Variants in ANXA4 observed in about 807,000 individuals in gnomAD.
ANXA4 encodes the protein 35-beta calcimedin.
ANXA4 carries 39 observed loss-of-function variants against 49.8 expected under a neutral mutation model. The observed-to-expected ratio is 0.78, with a 90% CI of 0.61 to 1.02. The LOEUF is 1.02. ANXA4 is among the 50% of genes least tolerant of loss of function. The probability of loss-of-function intolerance (pLI) is 0.00; values close to 1 mark genes in which losing one functional copy is unlikely to be tolerated. For missense variants in ANXA4, 360 were observed against 410.1 expected (o/e 0.88, Z 1.05); for synonymous variants, 134 against 152.5 (o/e 0.88, Z 0.89).
At chr2:69,647,660 T>C (rs1254355621) in intron 1 of ANXA4, among the ~76,000 whole-genome samples, 1 of 151,998 alleles carries the variant, frequency 6.6e-6, no homozygotes, top group Non-Finnish European at 1.5e-5. Flanking sequence ...CCACCCACCT[T>C]GGCCTCCCAA....
chr2:69,807,188 G>A (rs1272298777), intron 5 of ANXA4, among the ~76,000 whole-genome samples: 1 of 152,060 alleles, frequency 6.6e-6, no homozygotes, highest in Non-Finnish European at 1.5e-5. Context: ...TGGCTCAATG[G>A]GGAGTGATTA....
intron 3 of ANXA4, among the ~76,000 whole-genome samples, chr2:69,729,375 C>T (rs1573157370): frequency 6.6e-6 from 1 of 152,270 alleles, no homozygotes; most frequent in African/African-American, 2.4e-5. Context: ...TGATTTATTC[C>T]TAGGCATTTG....
intron 3 of ANXA4, among the ~76,000 whole-genome samples, chr2:69,800,775 G>A (rs574439823): frequency 3.0e-4 from 45 of 152,338 alleles, no homozygotes; most frequent in Non-Finnish European, 5.1e-4. Flanking sequence ...TCTTGCAGCA[G>A]TGAAGTGGCC....
intron 2 of ANXA4, among the ~76,000 whole-genome samples, chr2:69,687,098 C>T (rs1251573415): frequency 6.6e-6 from 1 of 152,174 alleles, no homozygotes; most frequent in South Asian, 2.1e-4. Context: ...ATGAGAGGGA[C>T]AGGGGAGAGC....
intron 2 of ANXA4, among the ~76,000 whole-genome samples, chr2:69,671,076 C>T (rs572040445): frequency 3.9e-4 from 56 of 143,210 alleles, no homozygotes; most frequent in Non-Finnish European, 7.8e-4. Context: ...ATAATCAATT[C>T]AGAATGGACC....
At chr2:69,823,011 A>G (rs1674310696) in intron 12 of ANXA4, among the ~76,000 whole-genome samples, 1 of 150,938 alleles carries the variant, frequency 6.6e-6, no homozygotes, top group African/African-American at 2.4e-5. Context: ...TCATCATAGC[A>G]TTATTTATAT....
chr2:69,721,155 C>T (rs900256209), intron 3 of ANXA4, among the ~76,000 whole-genome samples: 12 of 152,244 alleles, frequency 7.9e-5, no homozygotes, highest in African/African-American at 2.9e-4. Context: ...ACTCTCCGAG[C>T]TGCCACAGCC....
intron 1 of ANXA4, among the ~76,000 whole-genome samples, chr2:69,647,569 TG>T (rs1359378982): frequency 6.6e-6 from 1 of 151,884 alleles, no homozygotes; most frequent in African/African-American, 2.4e-5. Flanking sequence ...CCACCATGCC[TG>T]GCTAATTTTT....
chr2:69,651,737 C>T (rs564245249), intron 1 of ANXA4, among the ~76,000 whole-genome samples: 2 of 147,836 alleles, frequency 1.4e-5, no homozygotes, highest in African/African-American at 5.0e-5. Context: ...CTCCTGACGT[C>T]GTGATCCCCC....
intron 2 of ANXA4, among the ~76,000 whole-genome samples, chr2:69,702,567 A>T (rs1467777640): frequency 1.3e-5 from 2 of 151,916 alleles, no homozygotes; most frequent in African/African-American, 4.8e-5. Context: ...AAAAAAAATT[A>T]ACTGAGTGTG....
intron 2 of ANXA4, among the ~76,000 whole-genome samples, chr2:69,676,085 A>G (rs1677404111): frequency 6.6e-6 from 1 of 151,762 alleles, no homozygotes; most frequent in African/African-American, 2.4e-5. Context: ...ATTTTGCCAC[A>G]ATAAAAAGAA....
chr2:69,667,047 AAATAAAATAAAAT>A (rs1676964600), intron 2 of ANXA4, among the ~76,000 whole-genome samples: 1 of 152,026 alleles, frequency 6.6e-6, no homozygotes, highest in African/African-American at 2.4e-5. Context: ...CTCCATCTCA[AAATAAAATAAAAT>A]AATAAAATAA....
At chr2:69,723,277 AG>A (rs1669869923) in intron 3 of ANXA4, among the ~76,000 whole-genome samples, 1 of 152,006 alleles carries the variant, frequency 6.6e-6, no homozygotes, top group Non-Finnish European at 1.5e-5. Context: ...AAGCTGATTC[AG>A]GGGGAGGTAA....
intron 11 of ANXA4, among the ~76,000 whole-genome samples, chr2:69,820,242 T>A (rs1331898302): frequency 2.0e-5 from 3 of 151,772 alleles, no homozygotes; most frequent in Non-Finnish European, 4.4e-5. Flanking sequence ...AAGGGTTTTT[T>A]TTTTTTTCAA....
intron 1 of ANXA4, among the ~76,000 whole-genome samples, chr2:69,752,965 T>C (rs905367439): frequency 6.6e-6 from 1 of 152,240 alleles, no homozygotes; most frequent in African/African-American, 2.4e-5. Flanking sequence ...TTACTCTGCT[T>C]GGAAAATTCT....
At chr2:69,732,121 G>A (rs531812450) in intron 3 of ANXA4, among the ~76,000 whole-genome samples, 69 of 151,700 alleles carry the variant, frequency 4.5e-4, no homozygotes, top group African/African-American at 1.6e-3. Context: ...GGGACTACAG[G>A]CGCCCGCCAC....
chr2:69,660,747 C>A, intron 2 of ANXA4, among the ~76,000 whole-genome samples: 1 of 149,028 alleles, frequency 6.7e-6, no homozygotes, highest in African/African-American at 2.5e-5. Flanking sequence ...GAAGTTAAAG[C>A]TGAGGCTATT....
intron 3 of ANXA4, among the ~76,000 whole-genome samples, chr2:69,728,734 G>A (rs1434055314): frequency 1.3e-5 from 2 of 152,142 alleles, no homozygotes; most frequent in South Asian, 2.1e-4. Context: ...TTCTCTATCT[G>A]TATATGAATA....
chr2:69,803,141 T>G (rs1573290159), intron 3 of ANXA4, among the ~76,000 whole-genome samples: 1 of 147,944 alleles, frequency 6.8e-6, no homozygotes, highest in Non-Finnish European at 1.5e-5. Context: ...GGAGAGGGAG[T>G]GAGCTGGACT....
Sources: gnomAD v4.1 joint callset for allele counts (sites outside exome capture counted in the v4.1 genomes callset) on GRCh38, gnomAD v4.1.1 for gene constraint, MANE v1.5 for transcripts, NCBI Gene and HGNC (gene_info 2026-07-23, HGNC 2026-07-21) for gene names.